Variants in PTPRD observed in about 807,000 individuals in gnomAD.
The protein encoded by PTPRD is protein tyrosine phosphatase receptor type D, also known as receptor-type tyrosine-protein phosphatase delta.
In PTPRD, 34 loss-of-function variants were observed where a neutral mutation model predicts 214.5. The ratio of observed to expected loss-of-function variants is 0.16; its 90% CI spans 0.12 to 0.21. PTPRD has a LOEUF of 0.21. Ranked by LOEUF, PTPRD falls within the 10% of genes least tolerant of loss-of-function variation. PTPRD has a pLI of 1.00. For synonymous variants in PTPRD, 1,128 were observed against 845.7 expected (o/e 1.33, Z -5.79); for missense variants, 2,545 against 2,398.7 (o/e 1.06, Z -1.27).
intron 21 of PTPRD, among the ~76,000 whole-genome samples, chr9:8,511,252 G>T (rs1020391912): frequency 4.6e-5 from 7 of 151,798 alleles, no homozygotes. Flanking sequence ...AATGTTTTTT[G>T]TACAGACAGG....
intron 33 of PTPRD, among the ~76,000 whole-genome samples, chr9:8,450,459 T>C (rs1451193465): frequency 1.3e-5 from 2 of 152,198 alleles, no homozygotes; most frequent in Non-Finnish European, 2.9e-5. Flanking sequence ...CAGTGTTAGC[T>C]CTTAACAGTG....
intron 3 of PTPRD, among the ~76,000 whole-genome samples, chr9:10,272,292 T>C (rs1455264814): frequency 6.6e-6 from 1 of 152,252 alleles, no homozygotes; most frequent in East Asian, 1.9e-4. Flanking sequence ...CACTTCGCTT[T>C]TTATTGCCAA....
chr9:9,707,142 G>A (rs1483833112), intron 7 of PTPRD, among the ~76,000 whole-genome samples: 1 of 152,042 alleles, frequency 6.6e-6, no homozygotes, highest in African/African-American at 2.4e-5. Context: ...ATGCCATAAA[G>A]GGATTCTTTT....
chr9:10,568,344 A>G (rs1347173734), intron 2 of PTPRD, among the ~76,000 whole-genome samples: 1 of 151,816 alleles, frequency 6.6e-6, no homozygotes, highest in Non-Finnish European at 1.5e-5. Context: ...TATGTGCCAC[A>G]TTTTCTTAAT....
At chr9:8,890,544 G>A (rs1029136940) in intron 11 of PTPRD, among the ~76,000 whole-genome samples, 11 of 152,192 alleles carry the variant, frequency 7.2e-5, no homozygotes, top group Admixed American at 1.3e-4. Flanking sequence ...TAGAAAAAGT[G>A]TATGTTAAAC....
chr9:10,274,818 A>T (rs757030199), intron 3 of PTPRD, among the ~76,000 whole-genome samples: 18 of 152,128 alleles, frequency 1.2e-4, no homozygotes, highest in Non-Finnish European at 2.5e-4. Flanking sequence ...TCTCCTTCTA[A>T]AATCCCTTTT....
intron 3 of PTPRD, among the ~76,000 whole-genome samples, chr9:10,263,650 T>C (rs2093848635): frequency 6.6e-6 from 1 of 152,126 alleles, no homozygotes; most frequent in Non-Finnish European, 1.5e-5. Context: ...AATAAGAGTT[T>C]GGAAAATTTG....
intron 14 of PTPRD, among the ~76,000 whole-genome samples, chr9:8,599,495 CTTTT>C (rs1167928660): frequency 2.0e-5 from 3 of 151,296 alleles, no homozygotes; most frequent in African/African-American, 7.3e-5. Flanking sequence ...TTTTTTGATA[CTTTT>C]TTTTCTTAAT....
At chr9:9,613,078 G>C (rs1462898316) in intron 7 of PTPRD, among the ~76,000 whole-genome samples, 1 of 141,862 alleles carries the variant, frequency 7.0e-6, no homozygotes, top group African/African-American at 2.7e-5. Context: ...TCATGATGCT[G>C]ATGCTGCTGG....
chr9:9,414,221 G>A (rs776691628), intron 8 of PTPRD, among the ~76,000 whole-genome samples: 1 of 152,184 alleles, frequency 6.6e-6, no homozygotes, highest in South Asian at 2.1e-4. Context: ...AATTCCATCT[G>A]ATGAAGATAT....
chr9:9,528,179 G>T (rs143909988), intron 8 of PTPRD, among the ~76,000 whole-genome samples: 198 of 152,274 alleles, frequency 1.3e-3, no homozygotes, highest in African/African-American at 4.5e-3. Flanking sequence ...TAATTCTGTA[G>T]ATCTTCAAGG....
At position 9,423,318 on chromosome 9, in the gene PTPRD, TTC is replaced by T. The variant is rs1400431028; in HGVS notation, c.-236-25838_-236-25837del. 3.9e-5 allele frequency among the ~76,000 whole-genome samples: 6 copies of T among 152,166 alleles called. No individual in the cohort carries two copies. The East Asian group carries it at 1.2e-3, about 29-fold the overall frequency. On this transcript the variant is annotated intron_variant, in intron 8 of 45. Transcript: ENST00000381196. ...ATAATCACAGAATAAGAGACCAGGGTTCTCTTTCTCTCCACTACACAAGTACA... is the reference window on the plus strand; with the variant it reads ...ATAATCACAGAATAAGAGACCAGGGTTCTTTCTCTCCACTACACAAGTACA...
Position 8,375,977 on chromosome 9 carries a change from G to A in PTPRD, c.4620C>T (p.Thr1540=), listed in dbSNP as rs1296536639. The change falls in exon 39 of 46, where the codon ACC becomes ACT. Residue 1540 remains threonine (T), a synonymous_variant. Transcript: ENST00000381196. ...TCGGACCAGCATCGGGAGGGTTACA[G>A]GTTTTGACTCTACGTAAGAAAGCTA... ...PFLAFLRRVK[T]CNPPDAGPMV... is the part of the protein sequence containing the mutation. The A allele has an allele frequency of 1.9e-6, 3 of 1,612,910 alleles. No individual in the cohort carries two copies. The highest frequency in any genetic ancestry group is 2.5e-6 in the Non-Finnish European group (3 of 1,179,242).
chr9:10,017,834 C>A (rs1244155970), intron 4 of PTPRD, among the ~76,000 whole-genome samples: 1 of 151,642 alleles, frequency 6.6e-6, no homozygotes, highest in Non-Finnish European at 1.5e-5. Flanking sequence ...GAAACTTTCC[C>A]CAATTGAATG....
chr9:9,671,695 A>G (rs1166529987), intron 7 of PTPRD, among the ~76,000 whole-genome samples: 1 of 152,120 alleles, frequency 6.6e-6, no homozygotes, highest in Non-Finnish European at 1.5e-5. Context: ...ATGGTTTCAT[A>G]AGGGGTTTGC....
chr9:10,157,628 T>G (rs1344878148), intron 3 of PTPRD, among the ~76,000 whole-genome samples: 1 of 152,150 alleles, frequency 6.6e-6, no homozygotes, highest in Non-Finnish European at 1.5e-5. Flanking sequence ...ATGATCTTCT[T>G]GTGAAGTATC....
At chr9:9,004,879 A>C (rs528049286) in intron 11 of PTPRD, among the ~76,000 whole-genome samples, 2 of 152,038 alleles carry the variant, frequency 1.3e-5, no homozygotes, top group Non-Finnish European at 2.9e-5. Flanking sequence ...CAAAACTCCA[A>C]ACTGGGCTTA....
chr9:9,501,386 T>C (rs1165840207), intron 8 of PTPRD, among the ~76,000 whole-genome samples: 1 of 151,896 alleles, frequency 6.6e-6, no homozygotes, highest in Non-Finnish European at 1.5e-5. Context: ...AAGAGAAATA[T>C]TTATTAATTA....
At chr9:10,192,693 T>G (rs1287812885) in intron 3 of PTPRD, among the ~76,000 whole-genome samples, 1 of 152,156 alleles carries the variant, frequency 6.6e-6, no homozygotes, top group African/African-American at 2.4e-5. Context: ...ATCCTAACCT[T>G]GCTCTCAGAT....
Sources: gnomAD v4.1 joint callset for allele counts (sites outside exome capture counted in the v4.1 genomes callset) on GRCh38, gnomAD v4.1.1 for gene constraint, MANE v1.5 for transcripts, NCBI Gene and HGNC (gene_info 2026-07-23, HGNC 2026-07-21) for gene names.